MPRIP: variants seen among roughly 807,000 people sequenced by gnomAD.
MPRIP encodes myosin phosphatase Rho interacting protein.
A neutral mutation model predicts 234.9 loss-of-function variants in MPRIP; 59 were observed. The ratio of observed to expected loss-of-function variants is 0.25; its 90% CI spans 0.20 to 0.31. The LOEUF (loss-of-function observed/expected upper bound fraction) is 0.31. MPRIP is among the 10% of genes least tolerant of loss of function. The pLI is 1.00. For missense variants in MPRIP, 2,436 were observed against 3,071.0 expected (o/e 0.79, Z 4.89); for synonymous variants, 1,144 against 1,263.9 (o/e 0.91, Z 2.01).
At position 17,166,544 on chromosome 17, in the gene MPRIP, G is replaced by T. The variant is rs1158903327; in HGVS notation, c.4953G>T (p.Gln1651His). Residue 1651 changes from glutamine (Q) to histidine (H), a missense_variant, in exon 16 of 24, where the codon CAG becomes CAT. By Grantham distance (24) the Gln-to-His change is conservative (BLOSUM62 0). Coordinates refer to ENST00000651222, the MANE Select transcript of MPRIP (RefSeq NM_001364716.4). The surrounding 1 kb of genome is among the most constrained non-coding windows in gnomAD (Gnocchi z 4.4). The part of the protein sequence containing the change: ...GEAVGASGDG[Q>H]QSIPQGLAPI... ...CAGTCGGTGCCTCAGGAGACGGGCA[G>T]CAAAGCATCCCACAGGGCCTGGCCC... 16 of 1,304,148 alleles carry T rather than the reference G, an allele frequency of 1.2e-5. No individual in the cohort carries two copies. The Admixed American group carries it at 2.8e-4, about 22-fold the overall frequency. 80.8% of individuals were successfully genotyped at this position (1,304,148 alleles called of 1,614,324 possible).
At chr17:17,045,278 G>A (rs577803059) in intron 1 of MPRIP, among the ~76,000 whole-genome samples, 7 of 152,344 alleles carry the variant, frequency 4.6e-5, no homozygotes, top group Middle Eastern at 3.4e-3. Context: ...CATCTTCCCA[G>A]GAGCAGACAT....
chr17:17,139,180 T>C (rs546846864), intron 7 of MPRIP, among the ~76,000 whole-genome samples: 1 of 152,336 alleles, frequency 6.6e-6, no homozygotes, highest in South Asian at 2.1e-4. Context: ...CAGAGTTTCC[T>C]GGAGAACTAG....
At chr17:17,071,174 A>C (rs921563265) in intron 1 of MPRIP, among the ~76,000 whole-genome samples, 3 of 152,200 alleles carry the variant, frequency 2.0e-5, no homozygotes, top group African/African-American at 7.2e-5. Context: ...CAAGGGTGGA[A>C]GTCCAACCTT....
At chr17:17,103,532 G>C (rs1027416592) in intron 3 of MPRIP, among the ~76,000 whole-genome samples, 3 of 152,166 alleles carry the variant, frequency 2.0e-5, no homozygotes, top group African/African-American at 7.2e-5. Context: ...TTCATGCCCT[G>C]ACCAAAGCAG....
chr17:17,111,159 A>AC (rs1491032168), intron 3 of MPRIP, among the ~76,000 whole-genome samples: 3 of 130,596 alleles, frequency 2.3e-5, no homozygotes, highest in Non-Finnish European at 4.8e-5. Context: ...AAAAAAAACC[A>AC]AAAAAAAAAG....
chr17:17,143,789 G>A (rs2045394853), intron 9 of MPRIP, 120 bp downstream of exon 9: 1 of 524,472 alleles, frequency 1.9e-6, no homozygotes, highest in East Asian at 3.5e-5. Context: ...AGGCCCTCGT[G>A]TCCGTGAGCA....
chr17:17,128,040 C>G (rs541205566), intron 4 of MPRIP, among the ~76,000 whole-genome samples: 1 of 152,330 alleles, frequency 6.6e-6, no homozygotes, highest in African/African-American at 2.4e-5. Context: ...AATCCAGAAC[C>G]ATATGATCAA....
chr17:17,094,854 T>C (rs944870533), intron 3 of MPRIP, among the ~76,000 whole-genome samples: 2 of 152,096 alleles, frequency 1.3e-5, no homozygotes, highest in African/African-American at 4.8e-5. Context: ...TCAAGCAATC[T>C]GCCCACCTTG....
At chr17:17,077,783 A>T (rs2089369084) in intron 2 of MPRIP, 4 of 489,898 alleles carry the variant, frequency 8.2e-6, no homozygotes, top group Admixed American at 3.3e-5. Context: ...ACTTCTTATT[A>T]AGCCTCAATC....
Position 17,075,692 on chromosome 17 carries a change from C to T in MPRIP, c.124-18C>T. 6.2e-7 allele frequency: 1 copy of T among 1,613,282 alleles called. No homozygotes were observed. Among genetic ancestry groups the T allele is most frequent in the South Asian group, 1.1e-5 (1 of 91,058 alleles). On this transcript the variant is annotated intron_variant, in intron 1 of 23. Coordinates refer to ENST00000651222, the MANE Select transcript of MPRIP (RefSeq NM_001364716.4). ...GGTTGAAGGCTGCTGGTGACCTGCC[C>T]TCTTTTTTCTCCTCTAGGCAAAACC...
intron 1 of MPRIP, among the ~76,000 whole-genome samples, chr17:17,067,767 G>A (rs1447336101): frequency 1.2e-5 from 1 of 85,184 alleles, no homozygotes; most frequent in Non-Finnish European, 2.6e-5. Context: ...ATTGGAAAGT[G>A]TTTCTTCTTC....
chr17:17,093,154 A>T (rs527971621), intron 3 of MPRIP, among the ~76,000 whole-genome samples: 1 of 152,328 alleles, frequency 6.6e-6, no homozygotes, highest in African/African-American at 2.4e-5. Flanking sequence ...GCATTTGCCT[A>T]ATTTTAGAAC....
Position 17,073,739 on chromosome 17 carries a change from G to A in MPRIP, c.124-1971G>A, listed in dbSNP as rs550478164. 1.8e-4 allele frequency among the ~76,000 whole-genome samples: 27 copies of A among 152,310 alleles called. 1 individual carries two copies. In the South Asian group the frequency reaches 4.6e-3, roughly 26 times the overall value. ...CCTGGGTGGGGTGTGGAGAGGCCGA[G>A]CGTGTGTGCCCACCTTGAGGTTTGC... is the stretch of plus-strand genomic sequence containing the variant. On this transcript the variant is annotated intron_variant, in intron 1 of 23. Transcript: ENST00000651222.
At chr17:17,168,556 GC>G (rs2046058525) in intron 16 of MPRIP, 1 of 332,542 alleles carries the variant, frequency 3.0e-6, no homozygotes, top group Non-Finnish European at 5.9e-6. Flanking sequence ...CTGCATCCCC[GC>G]CCCTGAGGTC....
At chr17:17,096,271 GGTGTGTGTGTGTGCAGGGTGTGTGT>G (rs1210217951) in intron 3 of MPRIP, among the ~76,000 whole-genome samples, 29 of 147,816 alleles carry the variant, frequency 2.0e-4, no homozygotes, top group Middle Eastern at 3.3e-3. Flanking sequence ...TGCTTGGCAG[GGTGTGTGTGTGTGCAGGGTGTGTGT>G]GTGTGTGTGT....
rs2045680670 is a variant in MPRIP, at chr17:17,154,373, T to C, written c.1787T>C (p.Ile596Thr). 1 of 1,613,994 alleles carries C rather than the reference T, an allele frequency of 6.2e-7. No individual in the cohort carries two copies. The highest frequency in any genetic ancestry group is 2.2e-5 in the East Asian group (1 of 44,890). ...ATTCGGCGGAACTGGATCCAGACCA[T>C]CATGAAGCACGTGCACCCGACCACT... ...SGIRRNWIQT[I>T]MKHVHPTTAP... The change falls in exon 13 of 24, where the codon ATC becomes ACC. Residue 596 changes from isoleucine (I) to threonine (T), a missense_variant. By Grantham distance (89) the Ile-to-Thr change is moderately conservative. Transcript: ENST00000651222.
rs56270914 is a variant in MPRIP, at chr17:17,192,427, T to TTTGGGGGGGGG, written c.*7533_*7534insTTGGGGGGGGG. On this transcript the variant is annotated 3_prime_UTR_variant, in exon 24 of 24. Coordinates refer to ENST00000651222, the MANE Select transcript of MPRIP (RefSeq NM_001364716.4). ...ACCAGCTGAGCTGCTGCTTTTTTTT[T>TTTGGGGGGGGG]GGGGGGGGGGGGGGGAGGGGCGTCT... is the stretch of plus-strand genomic sequence containing the variant. The TTTGGGGGGGGG allele has an allele frequency of 2.1e-4, 1 of 4,808 alleles. No individual in the cohort carries two copies. The highest frequency in any genetic ancestry group is 5.2e-4 in the Non-Finnish European group (1 of 1,922). The allele number at this position is 4,808 out of a possible 1,614,324, so 0.3% of individuals were successfully genotyped here.
intron 12 of MPRIP, 86 bp downstream of exon 12, chr17:17,150,319 C>A: frequency 1.1e-6 from 1 of 941,288 alleles, no homozygotes; most frequent in Non-Finnish European, 1.7e-6. Context: ...GGGGGCACTT[C>A]TGGACAGGCC....
chr17:17,167,217 T>C lies in MPRIP; in HGVS notation c.5626T>C (p.Ser1876Pro), dbSNP rs1007043499. 7.7e-7 allele frequency: 1 copy of C among 1,303,872 alleles called. No homozygotes were observed. Among genetic ancestry groups the C allele is most frequent in the African/African-American group, 1.5e-5 (1 of 65,776 alleles). The allele number at this position is 1,303,872 out of a possible 1,614,324, so 80.8% of individuals were successfully genotyped here. Residue 1876 changes from serine (S) to proline (P), a missense_variant, in exon 16 of 24, where the codon TCC (serine) becomes CCC (proline). Coordinates refer to ENST00000651222, the MANE Select transcript of MPRIP (RefSeq NM_001364716.4). The surrounding 1 kb of genome is among the most constrained non-coding windows in gnomAD (Gnocchi z 5.9). Reference sequence around the variant, plus strand: ...GGAGTCCTGGCAAACCCGGGAGCCCTCCTGCTCAGAGCAGGCACAGGCAGC... The same window carrying C: ...GGAGTCCTGGCAAACCCGGGAGCCCCCCTGCTCAGAGCAGGCACAGGCAGC... Reference protein sequence around the residue: ...CKESWQTREPSCSEQAQAARA... With the variant: ...CKESWQTREPPCSEQAQAARA...
Sources: allele counts gnomAD v4.1 joint callset (sites outside exome capture counted in the v4.1 genomes callset), GRCh38; gene constraint gnomAD v4.1.1; non-coding constraint Gnocchi (gnomAD v3.1); transcripts MANE v1.5; gene names NCBI Gene and HGNC (gene_info 2026-07-23, HGNC 2026-07-21).